Variants in FAM161B observed in about 807,000 individuals in gnomAD.
FAM161B encodes the protein protein FAM161B.
FAM161B carries 46 observed loss-of-function variants against 61.5 expected under a neutral mutation model. That is an observed-to-expected ratio of 0.75 (90% CI 0.59 to 0.96). The LOEUF (loss-of-function observed/expected upper bound fraction) is 0.96, where lower values mean the gene tolerates loss of function less well. Ranked by LOEUF, FAM161B falls within the 40% of genes least tolerant of loss-of-function variation. The pLI is 0.00. For synonymous variants in FAM161B, 284 were observed against 302.7 expected, an observed-to-expected ratio of 0.94 and a Z score of 0.64; for missense variants, 774 against 800.7, an observed-to-expected ratio of 0.97 and a Z score of 0.40.
At chr14:73,934,774 G>C (rs2055957249) in intron 8 of FAM161B, among the ~76,000 whole-genome samples, 1 of 152,090 alleles carries the variant, frequency 6.6e-6, no homozygotes, top group South Asian at 2.1e-4. Flanking sequence ...AAAGCACTGT[G>C]TAAGGTTTAA....
chr14:73,940,825 G>T, intron 5 of FAM161B, 101 bp downstream of exon 5: 1 of 1,476,800 alleles, frequency 6.8e-7, no homozygotes, highest in Non-Finnish European at 9.0e-7. Context: ...TTGACCCCTT[G>T]AGGTATCTCT....
At chr14:73,923,410 G>A in the FAM161B span, 9 of 1,613,150 alleles carry the variant, frequency 5.6e-6, no homozygotes, top group South Asian at 9.9e-5. Context: ...CTTGCTGAAG[G>A]ATCCCCACGT....
At chr14:73,931,519 A>C, downstream of FAM161B, 1 of 1,606,086 alleles carries the variant, frequency 6.2e-7, no homozygotes, top group Non-Finnish European at 8.5e-7. Context: ...AACCAAGGAG[A>C]TTTAACTGAA....
intron 4 of FAM161B, among the ~76,000 whole-genome samples, chr14:73,941,739 CTTG>C (rs1246866785): frequency 2.0e-5 from 3 of 152,032 alleles, no homozygotes; most frequent in African/African-American, 7.2e-5. Context: ...AACTTTCACT[CTTG>C]TTGTCCAGGC....
chr14:73,937,570 C>G (rs775302933), intron 7 of FAM161B, 32 bp downstream of exon 7: 2 of 1,587,414 alleles, frequency 1.3e-6, no homozygotes, highest in South Asian at 1.2e-5. Flanking sequence ...TTATCTAAGG[C>G]AGAAAGAAAA....
At chr14:73,948,419 TG>T (rs1354934736) in intron 1 of FAM161B, among the ~76,000 whole-genome samples, 1 of 152,242 alleles carries the variant, frequency 6.6e-6, no homozygotes, top group African/African-American at 2.4e-5. Context: ...TTCTCAGTCC[TG>T]GGCTGATTTT....
chr14:73,940,851 G>A, intron 5 of FAM161B, 75 bp downstream of exon 5: 2 of 1,528,802 alleles, frequency 1.3e-6, no homozygotes, highest in Non-Finnish European at 1.8e-6. Context: ...CAGGAAAGGA[G>A]GCCCCTTGGC....
chr14:73,942,519 G>A lies in FAM161B; in HGVS notation c.1122C>T (p.Asp374=). ...GGAAGGCCTTGTAAAGGCCCTCATA[G>A]TCAGGGACCACAGGATTCACCCGAG... The part of the protein sequence containing the change: ...FQPRVNPVVP[D]YEGLYKAFQR... Residue 374 remains aspartate, a synonymous_variant, in exon 4 of 9, where the codon GAC becomes GAT. Coordinates refer to ENST00000286544, the MANE Select transcript of FAM161B (RefSeq NM_152445.3). 2 of 1,614,212 alleles carry A rather than the reference G, an allele frequency of 1.2e-6. No homozygotes were observed. Among genetic ancestry groups the A allele is most frequent in the Non-Finnish European group, 1.7e-6 (2 of 1,180,040 alleles).
intron 2 of FAM161B, among the ~76,000 whole-genome samples, chr14:73,945,770 C>G (rs966980443): frequency 2.6e-5 from 4 of 151,784 alleles, no homozygotes; most frequent in Non-Finnish European, 4.4e-5. Flanking sequence ...GAGACAGAGT[C>G]TTGCTCTGTT....
rs1172011772 is a variant in FAM161B, at chr14:73,932,315, T to TTA, written c.*1939_*1940dup. Reference sequence around the variant, plus strand: ...CTTGTTTTATACAAAATTTGTTTTCTTAGAGATTAAGAATTTAATCTTTCC... The same window carrying TTA: ...CTTGTTTTATACAAAATTTGTTTTCTTATAGAGATTAAGAATTTAATCTTTCC... On this transcript the variant is annotated 3_prime_UTR_variant, in exon 9 of 9. Coordinates refer to ENST00000286544, the MANE Select transcript of FAM161B (RefSeq NM_152445.3). The TTA allele has an allele frequency of 2.6e-5, 9 of 343,298 alleles. No homozygotes were observed. Among genetic ancestry groups the TTA allele is most frequent in the Non-Finnish European group, 4.5e-5 (8 of 176,942 alleles). 21.3% of individuals were successfully genotyped at this position (343,298 alleles called of 1,614,324 possible).
At chr14:73,941,915 G>C (rs2005782) in intron 4 of FAM161B, among the ~76,000 whole-genome samples, 2 of 152,230 alleles carry the variant, frequency 1.3e-5, no homozygotes, top group Admixed American at 1.3e-4. Context: ...CATGTTGGCC[G>C]TGCTGGTCTC....
Position 73,946,579 on chromosome 14 carries a change from G to C in FAM161B, c.81C>G (p.Asp27Glu), listed in dbSNP as rs915847688. 20 of 1,613,576 alleles carry C rather than the reference G, an allele frequency of 1.2e-5. No homozygotes were observed. The Admixed American group carries it at 3.3e-4, about 27-fold the overall frequency. ...RQIFPPESFA[D>E]TEAGEELSGD... Reference sequence around the variant, plus strand: ...CGGACAGCTCCTCTCCTGCCTCTGTGTCTGCGAAGGACTCGGGGGGAAATA... The same window carrying C: ...CGGACAGCTCCTCTCCTGCCTCTGTCTCTGCGAAGGACTCGGGGGGAAATA... Residue 27 changes from aspartate to glutamate, a missense_variant, in exon 2 of 9, where the codon GAC becomes GAG. Transcript: ENST00000286544.
chr14:73,939,246 CT>C (rs1296620467), intron 5 of FAM161B, among the ~76,000 whole-genome samples: 1 of 152,114 alleles, frequency 6.6e-6, no homozygotes, highest in Non-Finnish European at 1.5e-5. Flanking sequence ...TTGCAGTGAG[CT>C]GAGATTGCGC....
At position 73,941,022 on chromosome 14, in the gene FAM161B, G is replaced by C. The variant is rs1187729251; in HGVS notation, c.1304C>G (p.Pro435Arg). The C allele has an allele frequency of 1.2e-6, 2 of 1,612,954 alleles. No homozygotes were observed. Among genetic ancestry groups the C allele is most frequent in the South Asian group, 2.2e-5 (2 of 91,060 alleles). The change falls in exon 5 of 9, where the codon CCA becomes CGA. Residue 435 changes from proline to arginine, a missense_variant. Transcript: ENST00000286544. The part of the protein sequence containing the change: ...DSPQPPATPL[P>R]RSRSLSGLAS... ...AAGGCCGCTCAGAGAACGACTCCTT[G>C]GCAGGGGTGTAGCTGGTGGCTGTGG...
intron 4 of FAM161B, among the ~76,000 whole-genome samples, chr14:73,941,331 A>G (rs2140346018): frequency 6.6e-6 from 1 of 152,238 alleles, no homozygotes; most frequent in East Asian, 1.9e-4. Flanking sequence ...CATGTTGGTC[A>G]GGCTGGTCTC....
intron 5 of FAM161B, 59 bp from the exon 6 acceptor site, chr14:73,938,171 A>C: frequency 6.3e-7 from 1 of 1,584,946 alleles, no homozygotes; most frequent in Non-Finnish European, 8.6e-7. Flanking sequence ...CTGAAAAGCA[A>C]TCTTAGGCCA....
chr14:73,934,829 A>C (rs1266584574), intron 8 of FAM161B, among the ~76,000 whole-genome samples: 12 of 152,118 alleles, frequency 7.9e-5, no homozygotes, highest in Non-Finnish European at 1.8e-4. Context: ...CAGGTGAATC[A>C]CGAGGTCAAG....
chr14:73,931,413 C>A, downstream of FAM161B: 1 of 1,161,254 alleles, frequency 8.6e-7, no homozygotes, highest in Non-Finnish European at 1.3e-6. Context: ...GTGCATTCTC[C>A]ATCCTCCACT....
Position 73,932,281 on chromosome 14 carries a change from T to G in FAM161B, c.*1975A>C, listed in dbSNP as rs2055927866. The G allele has an allele frequency of 6.0e-6, 2 of 334,560 alleles. No individual in the cohort carries two copies. The highest frequency in any genetic ancestry group is 2.4e-5 in the South Asian group (1 of 41,598). 20.7% of individuals were successfully genotyped at this position (334,560 alleles called of 1,614,324 possible). ...AAATAAACAAAACAGCCCAGTCAGT[T>G]CTTTGGCTCTTGTTTTATACAAAAT... On this transcript the variant is annotated 3_prime_UTR_variant, in exon 9 of 9. Coordinates refer to ENST00000286544, the MANE Select transcript of FAM161B (RefSeq NM_152445.3).
Sources: gnomAD v4.1 joint callset for allele counts (sites outside exome capture counted in the v4.1 genomes callset) on GRCh38, gnomAD v4.1.1 for gene constraint, MANE v1.5 for transcripts, NCBI Gene and HGNC (gene_info 2026-07-23, HGNC 2026-07-21) for gene names.